The following CDK14 variants were observed in gnomAD, a reference collection of about 807,000 sequenced individuals.
The protein encoded by CDK14 is cyclin-dependent kinase 14.
CDK14 carries 34 observed loss-of-function variants against 60.7 expected under a neutral mutation model. The ratio of observed to expected loss-of-function variants is 0.56; its 90% CI spans 0.43 to 0.75. CDK14 has a LOEUF of 0.75. Among genes scored for constraint, CDK14 ranks in the 30% least tolerant of loss-of-function variants. The probability of loss-of-function intolerance (pLI) is 0.00; values close to 1 mark genes in which losing one functional copy is unlikely to be tolerated. For synonymous variants in CDK14, 197 were observed against 203.7 expected, an observed-to-expected ratio of 0.97 and a Z score of 0.28; for missense variants, 482 against 564.1, an observed-to-expected ratio of 0.85 and a Z score of 1.47.
At chr7:91,097,950 T>C (rs1799043104) in intron 12 of CDK14, among the ~76,000 whole-genome samples, 3 of 152,168 alleles carry the variant, frequency 2.0e-5, no homozygotes, top group African/African-American at 7.2e-5. Context: ...ACCAGGTAGT[T>C]GGTTCAGTGT....
intron 8 of CDK14, among the ~76,000 whole-genome samples, chr7:90,946,591 G>A (rs1489730047): frequency 1.3e-5 from 2 of 151,978 alleles, no homozygotes; most frequent in Non-Finnish European, 2.9e-5. Flanking sequence ...ATTCATAAGG[G>A]CATTTATTAT....
At chr7:90,620,997 G>C (rs1799754136) in intron 2 of CDK14, among the ~76,000 whole-genome samples, 1 of 152,196 alleles carries the variant, frequency 6.6e-6, no homozygotes, top group Non-Finnish European at 1.5e-5. Flanking sequence ...TGTATGCCAG[G>C]TGGTTTTTGG....
chr7:90,603,725 C>G (rs1799362347), intron 1 of CDK14, among the ~76,000 whole-genome samples: 1 of 152,134 alleles, frequency 6.6e-6, no homozygotes, highest in Admixed American at 6.5e-5. Context: ...TAAATTATGT[C>G]TCTTACTCTG....
intron 6 of CDK14, among the ~76,000 whole-genome samples, chr7:90,893,764 G>T (rs17476298): frequency 0.016 from 2,409 of 152,302 alleles, 37 homozygotes; most frequent in Middle Eastern, 0.024. Flanking sequence ...ATAGAAATTT[G>T]TGAAACATCA....
chr7:90,963,088 T>A (rs10242096), intron 9 of CDK14, among the ~76,000 whole-genome samples: 70 of 20,076 alleles, frequency 3.5e-3, no homozygotes, highest in African/African-American at 3.5e-3. Context: ...ATCTTAAGAG[T>A]GTGTGTGTGT....
intron 10 of CDK14, among the ~76,000 whole-genome samples, chr7:91,015,521 G>GTT (rs10710645): frequency 0.19 from 14,703 of 77,748 alleles, 2,158 homozygotes; most frequent in South Asian, 0.29. Flanking sequence ...TATGTCTTGG[G>GTT]TTTTTTTTTT....
intron 11 of CDK14, among the ~76,000 whole-genome samples, chr7:91,056,556 G>A (rs143981210): frequency 0.03 from 3,102 of 101,804 alleles, 97 homozygotes; most frequent in African/African-American, 0.1. Flanking sequence ...TATCCCTCCC[G>A]CCTCCCCCCA....
chr7:90,712,265 G>A (rs1392358610), intron 2 of CDK14, among the ~76,000 whole-genome samples: 2 of 151,744 alleles, frequency 1.3e-5, no homozygotes, highest in African/African-American at 4.8e-5. Context: ...AACCCAAACA[G>A]AAACCCTACC....
chr7:91,199,221 A>T (rs935667765), intron 14 of CDK14, among the ~76,000 whole-genome samples: 3 of 152,196 alleles, frequency 2.0e-5, no homozygotes, highest in Non-Finnish European at 4.4e-5. Context: ...TAACCTTGTC[A>T]TTAAAACTGT....
chr7:90,685,248 A>G (rs1289060487), intron 2 of CDK14, among the ~76,000 whole-genome samples: 1 of 151,966 alleles, frequency 6.6e-6, no homozygotes, highest in African/African-American at 2.4e-5. Flanking sequence ...ACTGCTTCAA[A>G]GTGTTGCCAT....
At chr7:90,664,497 T>C (rs1800930962) in intron 2 of CDK14, among the ~76,000 whole-genome samples, 3 of 152,220 alleles carry the variant, frequency 2.0e-5, no homozygotes, top group Non-Finnish European at 4.4e-5. Flanking sequence ...CACGTATGTT[T>C]ATAGCGGCAC....
intron 5 of CDK14, among the ~76,000 whole-genome samples, chr7:90,816,730 C>T (rs775413492): frequency 2.0e-5 from 3 of 152,142 alleles, no homozygotes; most frequent in Non-Finnish European, 4.4e-5. Context: ...GGAAGTCAGA[C>T]GTGGCAACAG....
At chr7:90,800,426 T>C (rs954990786) in intron 5 of CDK14, among the ~76,000 whole-genome samples, 1 of 152,186 alleles carries the variant, frequency 6.6e-6, no homozygotes, top group Admixed American at 6.5e-5. Flanking sequence ...ATTATTGATA[T>C]TACTTTTACA....
chr7:90,995,755 T>G (rs1387661390), intron 10 of CDK14, among the ~76,000 whole-genome samples: 2 of 146,742 alleles, frequency 1.4e-5, no homozygotes, highest in South Asian at 2.3e-4. Context: ...TTTGTTTGGT[T>G]GTTTTTGCTC....
chr7:90,696,621 G>A (rs1040295086), intron 2 of CDK14, among the ~76,000 whole-genome samples: 57 of 152,120 alleles, frequency 3.7e-4, no homozygotes, highest in African/African-American at 1.1e-3. Context: ...TAAAGGATTT[G>A]TCACATAAGT....
rs376322518 is a variant in CDK14 at position 91,174,249 on chromosome 7, C to A, written c.*29-32916C>A. Among the ~76,000 whole-genome samples the A allele has an allele frequency of 3.6e-4, 55 of 152,100 alleles. 1 individual carries two copies. The South Asian group carries it at 4.4e-3, about 12-fold the overall frequency. ...CAACAGACCTGCAGCTGAGGGTCCT[C>A]TCTGTTAGAAGGAAAACTAACAAAC... On this transcript the variant is annotated intron_variant, in intron 14 of 14. Transcript: ENST00000380050.
chr7:90,755,717 A>G (rs1039479589), intron 4 of CDK14, among the ~76,000 whole-genome samples: 3 of 152,190 alleles, frequency 2.0e-5, no homozygotes, highest in African/African-American at 7.2e-5. Context: ...TAATAACCAT[A>G]TTGCTTGAGA....
chr7:90,912,153 C>G (rs574206051), intron 7 of CDK14, among the ~76,000 whole-genome samples: 1 of 152,198 alleles, frequency 6.6e-6, no homozygotes, highest in East Asian at 1.9e-4. Flanking sequence ...ATAGAATATC[C>G]TGAGATGGCA....
At chr7:91,091,532 G>T (rs1443017078) in intron 12 of CDK14, among the ~76,000 whole-genome samples, 1 of 90,830 alleles carries the variant, frequency 1.1e-5, no homozygotes, top group Admixed American at 1.1e-4. Flanking sequence ...AGCCAGGCAT[G>T]GTGGCATATG....
Sources: allele counts gnomAD v4.1 joint callset (sites outside exome capture counted in the v4.1 genomes callset), GRCh38; gene constraint gnomAD v4.1.1; transcripts MANE v1.5; gene names NCBI Gene and HGNC (gene_info 2026-07-23, HGNC 2026-07-21).